CADM2: variants seen among roughly 807,000 people sequenced by gnomAD.
CADM2 encodes immunoglobulin superfamily member 4D.
A neutral mutation model predicts 49.8 loss-of-function variants in CADM2; 12 were observed. The ratio of observed to expected loss-of-function variants is 0.24; its 90% CI spans 0.15 to 0.39. The LOEUF (loss-of-function observed/expected upper bound fraction) is 0.39, where lower values mean the gene tolerates loss of function less well. Ranked by LOEUF, CADM2 falls within the 10% of genes least tolerant of loss-of-function variation. The probability of loss-of-function intolerance (pLI) is 1.00; values close to 1 mark genes in which losing one functional copy is unlikely to be tolerated. For missense variants in CADM2, 378 were observed against 492.3 expected (o/e 0.77, Z 2.20); for synonymous variants, 214 against 175.4 (o/e 1.22, Z -1.74).
intron 8 of CADM2, among the ~76,000 whole-genome samples, chr3:86,022,923 G>A (rs941214936): frequency 1.3e-5 from 2 of 151,870 alleles, no homozygotes; most frequent in South Asian, 2.1e-4. Context: ...TACTTTTTTA[G>A]TAACACTAAA....
At chr3:85,430,672 AAGAC>A (rs959230456) in intron 1 of CADM2, among the ~76,000 whole-genome samples, 12 of 140,882 alleles carry the variant, frequency 8.5e-5, no homozygotes, top group South Asian at 2.5e-4. Context: ...AAAGAGGAGA[AAGAC>A]AGAGAAAAGA....
chr3:85,445,572 A>T (rs1408652044), intron 1 of CADM2, among the ~76,000 whole-genome samples: 2 of 152,108 alleles, frequency 1.3e-5, no homozygotes, highest in Non-Finnish European at 2.9e-5. Flanking sequence ...TGCCTTCAGG[A>T]ACTTGCATTA....
intron 1 of CADM2, among the ~76,000 whole-genome samples, chr3:85,159,956 A>T (rs1029140380): frequency 1.1e-4 from 16 of 152,196 alleles, no homozygotes; most frequent in African/African-American, 3.9e-4. Context: ...GTATAATTTG[A>T]AATTTTTTGC....
intron 1 of CADM2, among the ~76,000 whole-genome samples, chr3:85,601,163 TATATATATATACAC>T (rs1426624442): frequency 4.7e-5 from 4 of 85,620 alleles, no homozygotes; most frequent in South Asian, 4.0e-4. Flanking sequence ...TATATATATA[TATATATATATACAC>T]ACACACACAC....
intron 7 of CADM2, among the ~76,000 whole-genome samples, chr3:85,956,998 C>A (rs1418590119): frequency 2.0e-5 from 3 of 151,560 alleles, no homozygotes; most frequent in African/African-American, 7.3e-5. Context: ...AAGATGAATT[C>A]TCTAAACCCC....
intron 1 of CADM2, among the ~76,000 whole-genome samples, chr3:85,121,751 C>A (rs1290281743): frequency 6.6e-6 from 1 of 152,140 alleles, no homozygotes; most frequent in African/African-American, 2.4e-5. Flanking sequence ...ACAATTCTCA[C>A]ACTTCCCTAA....
chr3:85,985,222 T>C (rs1023987569), intron 8 of CADM2, among the ~76,000 whole-genome samples: 3 of 151,760 alleles, frequency 2.0e-5, no homozygotes, highest in African/African-American at 7.3e-5. Flanking sequence ...CCATTACTCA[T>C]AGATGATGAC....
chr3:85,497,222 A>T (rs762338045), intron 1 of CADM2, among the ~76,000 whole-genome samples: 4 of 152,020 alleles, frequency 2.6e-5, no homozygotes, highest in Non-Finnish European at 4.4e-5. Flanking sequence ...TAAGTTTCTT[A>T]TAGATTCTGA....
intron 1 of CADM2, among the ~76,000 whole-genome samples, chr3:85,092,591 G>A (rs1396853469): frequency 1.3e-5 from 2 of 152,164 alleles, no homozygotes; most frequent in Admixed American, 1.3e-4. Context: ...GTTAAAGACA[G>A]AGCTTTAGAT....
chr3:85,781,388 A>AGG (rs1319384768), intron 2 of CADM2, among the ~76,000 whole-genome samples: 1 of 152,086 alleles, frequency 6.6e-6, no homozygotes, highest in Non-Finnish European at 1.5e-5. Flanking sequence ...TAGGTTCTAT[A>AGG]TTCTACTTTC....
At chr3:85,637,621 A>AAAATAAAATAAAATAAAATAAAAT (rs2064548646) in intron 1 of CADM2, among the ~76,000 whole-genome samples, 1 of 114,528 alleles carries the variant, frequency 8.7e-6, no homozygotes, top group African/African-American at 3.8e-5. Flanking sequence ...AAAAAAAAAA[A>AAAATAAAATAAAATAAAATAAAAT]AAAATAAAAT....
At chr3:85,360,953 A>G (rs1184413118) in intron 1 of CADM2, among the ~76,000 whole-genome samples, 1 of 152,154 alleles carries the variant, frequency 6.6e-6, no homozygotes, top group Non-Finnish European at 1.5e-5. Flanking sequence ...GCCTTTGCTC[A>G]TGCTGCCACC....
chr3:85,522,237 C>A (rs2106903952), intron 1 of CADM2, among the ~76,000 whole-genome samples: 1 of 152,038 alleles, frequency 6.6e-6, no homozygotes, highest in East Asian at 1.9e-4. Flanking sequence ...TCACCTTGCC[C>A]AATTATACAT....
intron 1 of CADM2, among the ~76,000 whole-genome samples, chr3:84,991,769 G>A (rs1309592605): frequency 6.6e-6 from 1 of 152,144 alleles, no homozygotes; most frequent in East Asian, 1.9e-4. Flanking sequence ...TAGTGGGTGA[G>A]GGGATAAACT....
chr3:85,770,367 G>T (rs1484529211), intron 2 of CADM2, among the ~76,000 whole-genome samples: 1 of 151,964 alleles, frequency 6.6e-6, no homozygotes, highest in Non-Finnish European at 1.5e-5. Flanking sequence ...GAGTGCAGCG[G>T]CACCCTCATG....
chr3:85,999,232 C>T (rs969371048), intron 8 of CADM2, among the ~76,000 whole-genome samples: 1 of 150,554 alleles, frequency 6.6e-6, no homozygotes, highest in Non-Finnish European at 1.5e-5. Flanking sequence ...GGCGTGGTGG[C>T]TCACACCTGT....
At chr3:85,535,647 C>G (rs946237198) in intron 1 of CADM2, among the ~76,000 whole-genome samples, 13 of 152,122 alleles carry the variant, frequency 8.5e-5, no homozygotes, top group African/African-American at 2.9e-4. Flanking sequence ...ATTATGTTGT[C>G]TACCCCTGTG....
chr3:85,911,178 C>T (rs1181953256), intron 5 of CADM2, among the ~76,000 whole-genome samples: 1 of 152,130 alleles, frequency 6.6e-6, no homozygotes, highest in Non-Finnish European at 1.5e-5. Flanking sequence ...AAACTGAATA[C>T]ACTTTTCCAT....
intron 3 of CADM2, among the ~76,000 whole-genome samples, chr3:85,811,412 A>G (rs1169573388): frequency 6.6e-6 from 1 of 152,196 alleles, no homozygotes; most frequent in African/African-American, 2.4e-5. Flanking sequence ...TGATTAATTT[A>G]TGTATTATTT....
Sources: allele counts gnomAD v4.1 joint callset (sites outside exome capture counted in the v4.1 genomes callset), GRCh38; gene constraint gnomAD v4.1.1; transcripts MANE v1.5; gene names NCBI Gene and HGNC (gene_info 2026-07-23, HGNC 2026-07-21).